TBC1D5: variants seen among roughly 807,000 people sequenced by gnomAD.
The protein encoded by TBC1D5 is TBC1 domain family, member 5.
Under a neutral mutation model 100.3 loss-of-function variants are expected in TBC1D5, and 75 were observed. The observed-to-expected ratio is 0.75, with a 90% CI of 0.62 to 0.91. The LOEUF (loss-of-function observed/expected upper bound fraction) is 0.91, where lower values mean the gene tolerates loss of function less well. TBC1D5 is among the 40% of genes least tolerant of loss of function. The pLI, the probability that TBC1D5 is intolerant of heterozygous loss-of-function variation, is 0.00. For synonymous variants in TBC1D5, 323 were observed against 325.6 expected (o/e 0.99, Z 0.09); for missense variants, 910 against 942.4 (o/e 0.97, Z 0.45).
At chr3:17,692,169 T>C (rs2071273224) in intron 1 of TBC1D5, among the ~76,000 whole-genome samples, 2 of 152,226 alleles carry the variant, frequency 1.3e-5, no homozygotes, top group African/African-American at 4.8e-5. Flanking sequence ...CTCGGATCAC[T>C]GCAGCCTCCA....
intron 4 of TBC1D5, among the ~76,000 whole-genome samples, chr3:17,416,468 A>G (rs1304300107): frequency 6.6e-6 from 1 of 152,214 alleles, no homozygotes; most frequent in Non-Finnish European, 1.5e-5. Flanking sequence ...TACACATTCA[A>G]TTTTTAAAGT....
chr3:17,218,175 T>C (rs1202487645), intron 17 of TBC1D5, among the ~76,000 whole-genome samples: 1 of 152,064 alleles, frequency 6.6e-6, no homozygotes, highest in Non-Finnish European at 1.5e-5. Flanking sequence ...CTCAACTCTA[T>C]TCCATTTATA....
At chr3:17,494,184 G>A (rs2095673585) in intron 3 of TBC1D5, among the ~76,000 whole-genome samples, 1 of 152,002 alleles carries the variant, frequency 6.6e-6, no homozygotes. Context: ...TGGTTTGCTT[G>A]GGGTCCACCT....
chr3:17,531,944 AAC>A, intron 2 of TBC1D5, among the ~76,000 whole-genome samples: 1 of 152,310 alleles, frequency 6.6e-6, no homozygotes, highest in East Asian at 1.9e-4. Context: ...TCATGTCTAA[AAC>A]ACCAAAAGCA....
At chr3:17,322,070 C>T (rs2085483055) in intron 13 of TBC1D5, among the ~76,000 whole-genome samples, 1 of 152,130 alleles carries the variant, frequency 6.6e-6, no homozygotes, top group Non-Finnish European at 1.5e-5. Context: ...TTATGTTATA[C>T]AAATTCTGCT....
chr3:17,460,596 T>C (rs1031955870), intron 3 of TBC1D5, among the ~76,000 whole-genome samples: 2 of 152,254 alleles, frequency 1.3e-5, no homozygotes, highest in South Asian at 2.1e-4. Flanking sequence ...TGTTATCTAT[T>C]TTACACACAT....
intron 18 of TBC1D5, among the ~76,000 whole-genome samples, chr3:17,213,733 C>CAA (rs71632897): frequency 0.012 from 745 of 61,046 alleles, 57 homozygotes; most frequent in African/African-American, 0.036. Flanking sequence ...GACTCTGTCT[C>CAA]AAAAAAAAAA....
At chr3:17,525,638 A>G (rs917088534) in intron 2 of TBC1D5, among the ~76,000 whole-genome samples, 10 of 152,066 alleles carry the variant, frequency 6.6e-5, no homozygotes, top group African/African-American at 2.2e-4. Context: ...CTATGGTTCC[A>G]TAATACTTAC....
intron 14 of TBC1D5, among the ~76,000 whole-genome samples, chr3:17,298,037 G>A (rs924575143): frequency 6.6e-5 from 10 of 152,158 alleles, no homozygotes; most frequent in Admixed American, 6.5e-4. Context: ...TTAAGATTTA[G>A]AAAATAATCA....
At chr3:17,616,923 C>G (rs1256540385) in intron 2 of TBC1D5, among the ~76,000 whole-genome samples, 6 of 152,134 alleles carry the variant, frequency 3.9e-5, no homozygotes, top group Non-Finnish European at 5.9e-5. Flanking sequence ...GAATTTGATC[C>G]TGTCATTATG....
At chr3:17,166,643 C>A in intron 21 of TBC1D5, 124 bp downstream of exon 22, 1 of 1,343,758 alleles carries the variant, frequency 7.4e-7, no homozygotes, top group Non-Finnish European at 1.0e-6. Context: ...ACAGCACCTC[C>A]GCAGTTGAAC....
intron 13 of TBC1D5, among the ~76,000 whole-genome samples, chr3:17,333,614 G>A (rs867992399): frequency 1.3e-5 from 2 of 152,164 alleles, no homozygotes; most frequent in Admixed American, 1.3e-4. Flanking sequence ...GTCAGTCTTG[G>A]AAGGGAGCAG....
rs1048412545 is a variant in TBC1D5 at position 17,695,051 on chromosome 3, G to A, written c.-101+44292C>T. Among the ~76,000 whole-genome samples the A allele has an allele frequency of 9.9e-5, 15 of 152,158 alleles. No homozygotes were observed. In the East Asian group the frequency reaches 2.7e-3, roughly 27 times the overall value. ...CTTTACACACAAGCAAATGCTGAGA[G>A]ATTCTGTCACCACCAGGCCTGCCTT... On this transcript the variant is annotated intron_variant, in intron 1 of 21. Coordinates refer to ENST00000253692, the Ensembl canonical transcript of TBC1D5.
At chr3:17,674,839 A>G (rs2068418526) in intron 1 of TBC1D5, among the ~76,000 whole-genome samples, 1 of 152,086 alleles carries the variant, frequency 6.6e-6, no homozygotes, top group Admixed American at 6.6e-5. Flanking sequence ...TAAGGTCACA[A>G]GGTGGGGAAA....
chr3:17,696,647 G>C (rs565087346), intron 1 of TBC1D5, among the ~76,000 whole-genome samples: 1 of 152,088 alleles, frequency 6.6e-6, no homozygotes, highest in Non-Finnish European at 1.5e-5. Context: ...AGGACCAGAC[G>C]GATTCACAGC....
At chr3:17,277,873 C>T (rs1415403056) in intron 15 of TBC1D5, among the ~76,000 whole-genome samples, 2 of 152,222 alleles carry the variant, frequency 1.3e-5, no homozygotes, top group East Asian at 3.8e-4. Context: ...ACTGCACCCT[C>T]ATCAGGCCTC....
At chr3:17,668,724 G>T (rs1280369514) in intron 1 of TBC1D5, among the ~76,000 whole-genome samples, 2 of 151,754 alleles carry the variant, frequency 1.3e-5, no homozygotes, top group Non-Finnish European at 2.9e-5. Flanking sequence ...TAAAAATTTA[G>T]ATTTTTAACT....
chr3:17,536,347 A>G (rs2096281331), intron 2 of TBC1D5, among the ~76,000 whole-genome samples: 1 of 152,234 alleles, frequency 6.6e-6, no homozygotes, highest in South Asian at 2.1e-4. Context: ...GAAAATAGCC[A>G]TCAAAATTAG....
chr3:17,324,875 GC>G (rs2085891833), intron 13 of TBC1D5, among the ~76,000 whole-genome samples: 1 of 152,042 alleles, frequency 6.6e-6, no homozygotes, highest in African/African-American at 2.4e-5. Flanking sequence ...TCAGGAAAAT[GC>G]AAAAAACGGC....
Sources: gnomAD v4.1 joint callset for allele counts (sites outside exome capture counted in the v4.1 genomes callset) on GRCh38, gnomAD v4.1.1 for gene constraint, MANE v1.5 for transcripts, NCBI Gene and HGNC (gene_info 2026-07-23, HGNC 2026-07-21) for gene names.